CDC14A: variants seen among roughly 807,000 people sequenced by gnomAD.
CDC14A encodes the protein cell division cycle 14A, also known as dual specificity protein phosphatase CDC14A.
Under a neutral mutation model 74.4 loss-of-function variants are expected in CDC14A, and 53 were observed. The observed-to-expected ratio is 0.71, with a 90% CI of 0.57 to 0.89. CDC14A has a LOEUF of 0.89. Among genes scored for constraint, CDC14A ranks in the 40% least tolerant of loss-of-function variants. The probability of loss-of-function intolerance (pLI) is 0.00; values close to 1 mark genes in which losing one functional copy is unlikely to be tolerated. For missense variants in CDC14A, 646 were observed against 713.7 expected (o/e 0.91, Z 1.08); for synonymous variants, 247 against 258.4 (o/e 0.96, Z 0.43).
chr1:100,442,396 TA>T (rs1252651582), intron 6 of CDC14A, among the ~76,000 whole-genome samples: 1 of 146,672 alleles, frequency 6.8e-6, no homozygotes, highest in Admixed American at 6.9e-5. Context: ...ATATTATATA[TA>T]AATATATATA....
chr1:100,437,970 G>A (rs992060333), intron 5 of CDC14A, among the ~76,000 whole-genome samples: 1 of 152,018 alleles, frequency 6.6e-6, no homozygotes, highest in East Asian at 1.9e-4. Context: ...AATTCAGAGA[G>A]TCAGTGAACT....
At chr1:100,391,128 GT>G in intron 4 of CDC14A, 1 of 380,264 alleles carries the variant, frequency 2.6e-6, no homozygotes, top group Admixed American at 3.9e-5. Context: ...AAAAAAATGT[GT>G]GTGTGCATGT....
chr1:100,446,072 G>C (rs560454447), intron 7 of CDC14A, among the ~76,000 whole-genome samples: 37 of 152,310 alleles, frequency 2.4e-4, no homozygotes, highest in African/African-American at 8.4e-4. Flanking sequence ...TGGTGAACTT[G>C]TGGAATAGCT....
chr1:100,351,741 G>T, upstream of CDC14A: 1 of 1,550,482 alleles, frequency 6.4e-7, no homozygotes, highest in Non-Finnish European at 8.7e-7. Flanking sequence ...CCAGATGAGA[G>T]GGCGTGGAGA....
chr1:100,491,572 A>ATATATATTTTTT (rs1418515078), intron 11 of CDC14A, among the ~76,000 whole-genome samples: 2 of 25,108 alleles, frequency 8.0e-5, no homozygotes, highest in African/African-American at 3.2e-4. Flanking sequence ...ATATATATAT[A>ATATATATTTTTT]TTTTTTTTTT....
chr1:100,467,624 C>T (rs1667976211), intron 9 of CDC14A, among the ~76,000 whole-genome samples: 1 of 152,126 alleles, frequency 6.6e-6, no homozygotes, highest in African/African-American at 2.4e-5. Context: ...TCCCAACCCC[C>T]CAGCCACCCT....
chr1:100,496,691 TAAGCATCTG>T (rs1647889054), intron 13 of CDC14A, among the ~76,000 whole-genome samples: 1 of 152,212 alleles, frequency 6.6e-6, no homozygotes, highest in East Asian at 1.9e-4. Context: ...AAAGAGGGCT[TAAGCATCTG>T]GAGCTTCTGG....
chr1:100,439,022 T>C (rs1331299826), intron 5 of CDC14A, among the ~76,000 whole-genome samples: 1 of 152,212 alleles, frequency 6.6e-6, no homozygotes, highest in Non-Finnish European at 1.5e-5. Flanking sequence ...CTTGGAACAC[T>C]GTAGTGTTAA....
intron 15 of CDC14A, among the ~76,000 whole-genome samples, chr1:100,510,752 C>A (rs774110314): frequency 6.6e-5 from 10 of 152,210 alleles, no homozygotes; most frequent in Non-Finnish European, 1.3e-4. Context: ...TATAACTTTG[C>A]CAATTGGCTC....
intron 2 of CDC14A, among the ~76,000 whole-genome samples, chr1:100,360,045 C>T (rs779627751): frequency 8.0e-5 from 12 of 150,432 alleles, no homozygotes; most frequent in Non-Finnish European, 1.0e-4. Context: ...TGGGTTCAAC[C>T]GATTCTCGTG....
chr1:100,457,578 C>T (rs1255629332), intron 8 of CDC14A, among the ~76,000 whole-genome samples: 1 of 151,854 alleles, frequency 6.6e-6, no homozygotes, highest in Non-Finnish European at 1.5e-5. Context: ...CCTGCCTCAG[C>T]CTCCCAAGTA....
intron 7 of CDC14A, among the ~76,000 whole-genome samples, chr1:100,454,029 A>C (rs1666420315): frequency 6.6e-6 from 1 of 152,226 alleles, no homozygotes; most frequent in Admixed American, 6.5e-5. Flanking sequence ...ACTTTTTATA[A>C]CTGGGAAAAA....
In CDC14A at chr1:100,459,086, A is replaced by AACACACACACACACACACACACAC. The variant is rs751247467; in HGVS notation, c.608-3551_608-3550insACACACACACACACACACACACAC. Among the ~76,000 whole-genome samples, 230 of 128,748 alleles carry AACACACACACACACACACACACAC rather than the reference A, an allele frequency of 1.8e-3. 5 individuals are homozygous for AACACACACACACACACACACACAC. Among genetic ancestry groups the AACACACACACACACACACACACAC allele is most frequent in the African/African-American group, 5.4e-3 (151 of 28,020 alleles). The allele number at this position is 128,748 out of a possible 152,430, so 84.5% of individuals were successfully genotyped here. ...TCACTGTCATTCTCACTTCTATTTA[A>AACACACACACACACACACACACAC]ACACACACACACACGCACACACACA... On this transcript the variant is annotated intron_variant, in intron 8 of 15. Coordinates refer to ENST00000336454, the MANE Select transcript of CDC14A (RefSeq NM_003672.4).
At chr1:100,377,112 G>A (rs1190672225) in intron 2 of CDC14A, among the ~76,000 whole-genome samples, 1 of 150,236 alleles carries the variant, frequency 6.7e-6, no homozygotes, top group Non-Finnish European at 1.5e-5. Context: ...CTGGCTCACC[G>A]CAACCTCCAC....
At chr1:100,432,110 T>C (rs1663761968) in intron 5 of CDC14A, among the ~76,000 whole-genome samples, 1 of 152,228 alleles carries the variant, frequency 6.6e-6, no homozygotes, top group Non-Finnish European at 1.5e-5. Flanking sequence ...TTGTTGTTGT[T>C]GTTGTTAGGT....
chr1:100,428,057 C>T lies in CDC14A; in HGVS notation c.389+3756C>T, dbSNP rs149561042. 5.9e-3 allele frequency among the ~76,000 whole-genome samples: 900 copies of T among 152,198 alleles called. 16 individuals carry two copies. Among genetic ancestry groups the T allele is most frequent in the African/African-American group, 0.021 (865 of 41,526 alleles). ...GGTATGTTAGGTAGTATATATAATA[C>T]GAAGTTCACAGTATGGGTACATTAT... On this transcript the variant is annotated intron_variant, in intron 5 of 15. Coordinates refer to ENST00000336454, the MANE Select transcript of CDC14A (RefSeq NM_003672.4).
At chr1:100,438,578 G>A (rs917905796) in intron 5 of CDC14A, among the ~76,000 whole-genome samples, 6 of 152,276 alleles carry the variant, frequency 3.9e-5, no homozygotes, top group Non-Finnish European at 8.8e-5. Flanking sequence ...TTGCTGACAT[G>A]TGAGTTCAGA....
chr1:100,456,860 T>C (rs576962944), intron 8 of CDC14A, among the ~76,000 whole-genome samples: 14 of 152,334 alleles, frequency 9.2e-5, no homozygotes, highest in African/African-American at 3.4e-4. Context: ...ACAAACAGGA[T>C]ACCTCTATGG....
chr1:100,350,318 C>G (rs551306556), upstream of CDC14A, among the ~76,000 whole-genome samples: 2 of 152,192 alleles, frequency 1.3e-5, no homozygotes, highest in African/African-American at 4.8e-5. Context: ...GTCTTGAACT[C>G]CTGACCTCAG....
Sources: gnomAD v4.1 joint callset for allele counts (sites outside exome capture counted in the v4.1 genomes callset) on GRCh38, gnomAD v4.1.1 for gene constraint, MANE v1.5 for transcripts, NCBI Gene and HGNC (gene_info 2026-07-23, HGNC 2026-07-21) for gene names.